AZIN2: variants seen among roughly 807,000 people sequenced by gnomAD.
AZIN2 encodes antizyme inhibitor 2, also known as ODC antizyme inhibitor-2.
In AZIN2, 28 loss-of-function variants were observed where a neutral mutation model predicts 47.8. That is an observed-to-expected ratio of 0.59 (90% confidence interval 0.43 to 0.80). The LOEUF (loss-of-function observed/expected upper bound fraction) is 0.80, where lower values mean the gene tolerates loss of function less well. Ranked by LOEUF, AZIN2 falls within the 30% of genes least tolerant of loss-of-function variation. AZIN2 has a pLI of 0.00. For missense variants in AZIN2, 535 were observed against 582.5 expected (o/e 0.92, Z 0.84); for synonymous variants, 221 against 239.4 (o/e 0.92, Z 0.71).
chr1:33,138,703 G>T, the AZIN2 span, among the ~76,000 whole-genome samples: 6 of 151,574 alleles, frequency 4.0e-5, no homozygotes, highest in South Asian at 1.3e-3. Context: ...AGTTATCTCT[G>T]GACAGTGGCT....
chr1:33,130,370 C>A, the AZIN2 span, among the ~76,000 whole-genome samples: 3 of 152,224 alleles, frequency 2.0e-5, no homozygotes, highest in African/African-American at 7.2e-5. Context: ...ATTACAAAAA[C>A]TCCCTGTGGC....
rs1416600022 is a variant in AZIN2, at chr1:33,113,912, T to C, written c.1030-3990T>C. ...ATTAAACTTGAACTGTAGATCTATATTTTCCATGTTATGAAGCCAGTGATT... is the reference window on the plus strand; with the variant it reads ...ATTAAACTTGAACTGTAGATCTATACTTTCCATGTTATGAAGCCAGTGATT... On this transcript the variant is annotated intron_variant, in intron 10 of 11. Coordinates refer to ENST00000294517, the MANE Select transcript of AZIN2 (RefSeq NM_052998.4). This position sits in a 1 kb window ranked among gnomAD's most constrained non-coding sequence, Gnocchi z 4.1. 6.6e-6 allele frequency among the ~76,000 whole-genome samples: 1 copy of C among 152,214 alleles called. No individual in the cohort carries two copies. The highest frequency in any genetic ancestry group is 1.5e-5 in the Non-Finnish European group (1 of 68,034).
At chr1:33,100,392 A>G (rs1026565431) in intron 10 of AZIN2, among the ~76,000 whole-genome samples, 6 of 151,408 alleles carry the variant, frequency 4.0e-5, no homozygotes, top group African/African-American at 1.5e-4. Context: ...TATACTTCTT[A>G]TTGCACCATG....
chr1:33,092,207 G>A lies in AZIN2; in HGVS notation c.437G>A (p.Ser146Asn). 1 of 1,614,106 alleles carries A rather than the reference G, an allele frequency of 6.2e-7. No homozygotes were observed. Reference sequence around the variant, plus strand: ...ATGGAGCTGGCAAAGGTGGTAAAGAGCCACCCCAGTGCCAAGTAAGCTGAG... The same window carrying A: ...ATGGAGCTGGCAAAGGTGGTAAAGAACCACCCCAGTGCCAAGTAAGCTGAG... ...NEMELAKVVK[S>N]HPSAKMVLCI... The change falls in exon 6 of 12, where the codon AGC becomes AAC. Residue 146 changes from serine (S) to asparagine (N), a missense_variant. Physicochemically the swap from Ser to Asn is conservative, Grantham distance 46. Coordinates refer to ENST00000294517, the MANE Select transcript of AZIN2 (RefSeq NM_052998.4).
At chr1:33,159,619 C>G in the AZIN2 span, 1 of 1,528,362 alleles carries the variant, frequency 6.5e-7, no homozygotes, top group South Asian at 1.2e-5. This position sits in a 1 kb window ranked among gnomAD's most constrained non-coding sequence, Gnocchi z 4.2. Flanking sequence ...TCTGCCTCCA[C>G]TCCCACTGCC....
At chr1:33,158,612 A>G in the AZIN2 span, among the ~76,000 whole-genome samples, 1 of 152,360 alleles carries the variant, frequency 6.6e-6, no homozygotes, top group East Asian at 1.9e-4. Context: ...TGAGAATTAC[A>G]TGGCATAACA....
chr1:33,096,651 C>T (rs1375813763), intron 8 of AZIN2, 56 bp from the exon 9 acceptor site: 1 of 1,593,590 alleles, frequency 6.3e-7, no homozygotes, highest in Non-Finnish European at 8.6e-7. Flanking sequence ...AGCAAGTCTT[C>T]AGCATAAAGC....
intron 10 of AZIN2, among the ~76,000 whole-genome samples, chr1:33,111,442 CACT>C (rs1644281251): frequency 6.6e-6 from 1 of 151,868 alleles, no homozygotes; most frequent in Non-Finnish European, 1.5e-5. Flanking sequence ...ATAGAGTAAC[CACT>C]ACAAGAATAG....
the AZIN2 span, among the ~76,000 whole-genome samples, chr1:33,132,265 A>G: frequency 6.6e-6 from 1 of 152,236 alleles, no homozygotes; most frequent in Non-Finnish European, 1.5e-5. Flanking sequence ...TCTAGGGGTC[A>G]GCAAACCTTT....
chr1:33,101,340 C>T (rs563703833), intron 10 of AZIN2, among the ~76,000 whole-genome samples: 103 of 152,100 alleles, frequency 6.8e-4, no homozygotes, highest in Non-Finnish European at 1.2e-3. Flanking sequence ...TGCCTGGCCC[C>T]CACCCTCTTT....
chr1:33,106,821 G>A (rs1220310401), intron 10 of AZIN2, among the ~76,000 whole-genome samples: 1 of 152,082 alleles, frequency 6.6e-6, no homozygotes, highest in Non-Finnish European at 1.5e-5. Flanking sequence ...TACTCAACAA[G>A]GATCCTAAGG....
chr1:33,118,190 A>G (rs1644650610), intron 11 of AZIN2, 74 bp downstream of exon 11: 1 of 1,434,056 alleles, frequency 7.0e-7, no homozygotes, highest in Non-Finnish European at 9.3e-7. Flanking sequence ...GAGATTTGAG[A>G]TTCTGCTTCT....
intron 8 of AZIN2, among the ~76,000 whole-genome samples, chr1:33,095,684 C>T (rs1643077782): frequency 6.6e-6 from 1 of 152,194 alleles, no homozygotes; most frequent in African/African-American, 2.4e-5. Flanking sequence ...CTACACACTA[C>T]AAAATCTGCA....
chr1:33,122,153 C>T lies in AZIN2; in HGVS notation c.*1971C>T, dbSNP rs777229790. Among the ~76,000 whole-genome samples the T allele has an allele frequency of 5.3e-5, 8 of 152,156 alleles. No homozygotes were observed. Among genetic ancestry groups the T allele is most frequent in the African/African-American group, 1.2e-4 (5 of 41,436 alleles). ...TCTCCAAGCACTCATACTTCTTTTGCGGAGAGGGACATAGGTTTTCTGCTG... is the reference window on the plus strand; with the variant it reads ...TCTCCAAGCACTCATACTTCTTTTGTGGAGAGGGACATAGGTTTTCTGCTG... On this transcript the variant is annotated 3_prime_UTR_variant, in exon 12 of 12. Transcript: ENST00000294517.
In AZIN2 at chr1:33,120,278, A is replaced by G. The variant is rs758360505; in HGVS notation, c.*96A>G. 4.6e-6 allele frequency: 7 copies of G among 1,506,038 alleles called. No individual in the cohort carries two copies. Among genetic ancestry groups the G allele is most frequent in the Non-Finnish European group, 6.2e-6 (7 of 1,124,116 alleles). 93.3% of individuals were successfully genotyped at this position (1,506,038 alleles called of 1,614,324 possible). On this transcript the variant is annotated 3_prime_UTR_variant, in exon 12 of 12. Coordinates refer to ENST00000294517, the MANE Select transcript of AZIN2 (RefSeq NM_052998.4). ...GCAGGCAAGGGTACCCTTGGCCAGG[A>G]CTCTGGTGCCCACCCTGCCACCCCC...
rs118127087 is a variant in AZIN2 at position 33,122,172 on chromosome 1, T to C, written c.*1990T>C. ...CTTTTGCGGAGAGGGACATAGGTTTTCTGCTGGAACCAGGCATCTGCTGTG... is the reference window on the plus strand; with the variant it reads ...CTTTTGCGGAGAGGGACATAGGTTTCCTGCTGGAACCAGGCATCTGCTGTG... On this transcript the variant is annotated 3_prime_UTR_variant, in exon 12 of 12. Coordinates refer to ENST00000294517, the MANE Select transcript of AZIN2 (RefSeq NM_052998.4). Among the ~76,000 whole-genome samples, 39 of 152,338 alleles carry C rather than the reference T, an allele frequency of 2.6e-4. No homozygotes were observed. In the East Asian group the frequency reaches 7.1e-3, roughly 28 times the overall value.
intron 9 of AZIN2, 107 bp downstream of exon 9, chr1:33,096,976 T>A: frequency 7.2e-7 from 1 of 1,383,244 alleles, no homozygotes; most frequent in Non-Finnish European, 1.0e-6. Flanking sequence ...TGGGGGAATC[T>A]GGAGAATGAA....
chr1:33,092,206 A>G lies in AZIN2; in HGVS notation c.436A>G (p.Ser146Gly), dbSNP rs764435187. The G allele has an allele frequency of 6.2e-7, 1 of 1,613,958 alleles. No homozygotes were observed. Among genetic ancestry groups the G allele is most frequent in the Non-Finnish European group, 8.5e-7 (1 of 1,179,974 alleles). The change falls in exon 6 of 12, where the codon AGC (serine) becomes GGC (glycine). Residue 146 changes from serine (S) to glycine (G), a missense_variant. Ser to Gly is a moderately conservative substitution (Grantham distance 56). Coordinates refer to ENST00000294517, the MANE Select transcript of AZIN2 (RefSeq NM_052998.4). ...GATGGAGCTGGCAAAGGTGGTAAAG[A>G]GCCACCCCAGTGCCAAGTAAGCTGA... is the stretch of plus-strand genomic sequence containing the variant. ...NEMELAKVVKSHPSAKMVLCI... is the reference protein window; with the variant it reads ...NEMELAKVVKGHPSAKMVLCI...
At chr1:33,156,361 CTCA>C in the AZIN2 span, among the ~76,000 whole-genome samples, 1 of 152,230 alleles carries the variant, frequency 6.6e-6, no homozygotes, top group Non-Finnish European at 1.5e-5. Flanking sequence ...CCAACCAGCT[CTCA>C]TCAAGGCCAC....
Sources: gnomAD v4.1 joint callset for allele counts (sites outside exome capture counted in the v4.1 genomes callset) on GRCh38, gnomAD v4.1.1 for gene constraint, Gnocchi (gnomAD v3.1) non-coding constraint, MANE v1.5 for transcripts, NCBI Gene and HGNC (gene_info 2026-07-23, HGNC 2026-07-21) for gene names.